The following ANKRD30B variants were observed in gnomAD, a reference collection of about 807,000 sequenced individuals.
ANKRD30B encodes ankyrin repeat domain-containing protein 30B.
Under a neutral mutation model 202.2 loss-of-function variants are expected in ANKRD30B, and 144 were observed. That is an observed-to-expected ratio of 0.71 (90% CI 0.62 to 0.82). ANKRD30B has a LOEUF of 0.82. ANKRD30B is among the 40% of genes least tolerant of loss of function. The pLI, the probability that ANKRD30B is intolerant of heterozygous loss-of-function variation, is 0.00. For synonymous variants in ANKRD30B, 508 were observed against 561.3 expected, an observed-to-expected ratio of 0.91 and a Z score of 1.34; for missense variants, 1,487 against 1,669.1, an observed-to-expected ratio of 0.89 and a Z score of 1.90.
chr18:14,893,351 C>T, the ANKRD30B span, among the ~76,000 whole-genome samples: 2 of 152,218 alleles, frequency 1.3e-5, no homozygotes, highest in African/African-American at 4.8e-5. Flanking sequence ...TGGCTCACGC[C>T]TGTAATCCCA....
At chr18:14,765,823 A>G (rs763054830) in intron 7 of ANKRD30B, among the ~76,000 whole-genome samples, 2 of 152,218 alleles carry the variant, frequency 1.3e-5, no homozygotes, top group African/African-American at 4.8e-5. Context: ...AAAAGGAATC[A>G]AGTTCAGAAG....
At chr18:14,927,284 T>G in the ANKRD30B span, among the ~76,000 whole-genome samples, 1 of 152,162 alleles carries the variant, frequency 6.6e-6, no homozygotes, top group Non-Finnish European at 1.5e-5. Context: ...ATCAGTTCTT[T>G]TAAACTCCGA....
intron 5 of ANKRD30B, among the ~76,000 whole-genome samples, chr18:14,760,126 T>A (rs1157505859): frequency 6.6e-6 from 1 of 152,352 alleles, no homozygotes; most frequent in Middle Eastern, 3.4e-3. Context: ...CACTATTTCT[T>A]TGAGCATTTT....
At chr18:14,759,903 A>T (rs1370889865) in intron 5 of ANKRD30B, among the ~76,000 whole-genome samples, 4 of 152,146 alleles carry the variant, frequency 2.6e-5, no homozygotes, top group African/African-American at 7.2e-5. Context: ...CTTTTTTTAA[A>T]AAAATTAAAT....
At chr18:14,905,166 T>TA in the ANKRD30B span, among the ~76,000 whole-genome samples, 1 of 152,200 alleles carries the variant, frequency 6.6e-6, no homozygotes, top group Non-Finnish European at 1.5e-5. Flanking sequence ...ATCCACCCCT[T>TA]GTTTAGTATA....
chr18:14,872,104 A>T, the ANKRD30B span, among the ~76,000 whole-genome samples: 13 of 152,280 alleles, frequency 8.5e-5, no homozygotes, highest in East Asian at 2.5e-3. Context: ...CAGACACCAG[A>T]ACCAGAGCCC....
At chr18:14,817,278 A>G (rs940558346) in intron 30 of ANKRD30B, among the ~76,000 whole-genome samples, 1 of 152,202 alleles carries the variant, frequency 6.6e-6, no homozygotes, top group African/African-American at 2.4e-5. Flanking sequence ...ATACATTTCA[A>G]TAGCCATTAC....
intron 18 of ANKRD30B, 66 bp from the exon 19 acceptor site, chr18:14,797,595 T>C: frequency 6.7e-7 from 1 of 1,485,814 alleles, no homozygotes; most frequent in South Asian, 1.1e-5. Context: ...ATTCACACTG[T>C]ATGAACGTTT....
chr18:14,757,751 C>A, intron 4 of ANKRD30B, 64 bp from the exon 5 acceptor site: 1 of 1,537,186 alleles, frequency 6.5e-7, no homozygotes, highest in South Asian at 1.2e-5. Flanking sequence ...ATGGTTAATT[C>A]TACACTGATA....
At chr18:14,923,758 T>C in the ANKRD30B span, among the ~76,000 whole-genome samples, 1 of 152,182 alleles carries the variant, frequency 6.6e-6, no homozygotes, top group African/African-American at 2.4e-5. Flanking sequence ...CTGCAAGAAG[T>C]ATCTGGATTA....
the ANKRD30B span, among the ~76,000 whole-genome samples, chr18:14,860,036 C>T: frequency 6.9e-6 from 1 of 144,212 alleles, no homozygotes; most frequent in Non-Finnish European, 1.5e-5. Context: ...CCTCACAACC[C>T]AGACAGGGTG....
At chr18:14,836,394 T>C (rs572890185) in intron 34 of ANKRD30B, among the ~76,000 whole-genome samples, 5 of 152,280 alleles carry the variant, frequency 3.3e-5, no homozygotes, top group African/African-American at 1.2e-4. Flanking sequence ...AACCGTCCCC[T>C]ACATCCTGCA....
chr18:14,914,175 G>T, the ANKRD30B span, among the ~76,000 whole-genome samples: 8 of 152,150 alleles, frequency 5.3e-5, no homozygotes. Flanking sequence ...AATTCACATG[G>T]CAATTATTAA....
intron 5 of ANKRD30B, among the ~76,000 whole-genome samples, chr18:14,760,095 G>T (rs543190805): frequency 1.3e-5 from 2 of 152,210 alleles, no homozygotes; most frequent in South Asian, 2.1e-4. Flanking sequence ...TAAGATTCAA[G>T]AATAAATTAT....
rs1971986696 is a variant in ANKRD30B at position 14,853,880 on chromosome 18, A to G, written c.4548A>G (p.Thr1516=). ...AGTGTGAGGCTTCACTAAAGGTTACATCACATTCTCACTCTCTGAGGCATC... is the reference window on the plus strand; with the variant it reads ...AGTGTGAGGCTTCACTAAAGGTTACGTCACATTCTCACTCTCTGAGGCATC... The part of the protein sequence containing the change: ...NKQCEASLKV[T]SHSHSLRHQ Residue 1516 remains threonine, a synonymous_variant, in exon 43 of 44, where the codon ACA becomes ACG. Coordinates refer to ENST00000690538, the MANE Select transcript of ANKRD30B (RefSeq NM_001367607.2). Among the ~76,000 whole-genome samples the G allele has an allele frequency of 6.6e-6, 1 of 152,222 alleles. No homozygotes were observed. The highest frequency in any genetic ancestry group is 6.5e-5 in the Admixed American group (1 of 15,282).
intron 16 of ANKRD30B, among the ~76,000 whole-genome samples, chr18:14,793,355 A>T (rs536125597): frequency 6.6e-6 from 1 of 152,294 alleles, no homozygotes; most frequent in Non-Finnish European, 1.5e-5. Context: ...TAATGATACA[A>T]ATTATTATAA....
chr18:14,861,056 G>T, the ANKRD30B span, among the ~76,000 whole-genome samples: 1 of 152,126 alleles, frequency 6.6e-6, no homozygotes, highest in African/African-American at 2.4e-5. Context: ...GGAAAATAAG[G>T]TATTTCCAGA....
the ANKRD30B span, among the ~76,000 whole-genome samples, chr18:14,903,089 C>A: frequency 6.6e-6 from 1 of 152,168 alleles, no homozygotes; most frequent in South Asian, 2.1e-4. Context: ...TTGGGGAGCA[C>A]CAGCCCTTGG....
the ANKRD30B span, among the ~76,000 whole-genome samples, chr18:14,933,399 G>C: frequency 6.6e-6 from 1 of 152,224 alleles, no homozygotes; most frequent in African/African-American, 2.4e-5. Flanking sequence ...AGCAGGCCCG[G>C]GGGTGGGTGC....
Sources: allele counts gnomAD v4.1 joint callset (sites outside exome capture counted in the v4.1 genomes callset), GRCh38; gene constraint gnomAD v4.1.1; transcripts MANE v1.5; gene names NCBI Gene and HGNC (gene_info 2026-07-23, HGNC 2026-07-21).